The following ELF4 variants were observed in gnomAD, a reference collection of about 807,000 sequenced individuals.
ELF4 encodes the protein E74 like ETS transcription factor 4, also known as ETS-related transcription factor Elf-4.
A neutral mutation model predicts 31.7 loss-of-function variants in ELF4; 10 were observed. The observed-to-expected ratio is 0.32, with a 90% CI of 0.19 to 0.54. ELF4 has a LOEUF of 0.54. Ranked by LOEUF, ELF4 falls within the 20% of genes least tolerant of loss-of-function variation. The probability of loss-of-function intolerance (pLI) is 0.95; values close to 1 mark genes in which losing one functional copy is unlikely to be tolerated. For synonymous variants in ELF4, 208 were observed against 226.7 expected (o/e 0.92, Z 0.74); for missense variants, 418 against 522.0 (o/e 0.80, Z 1.94).
chrX:130,101,704 C>A (rs1454878048), intron 1 of ELF4, among the ~76,000 whole-genome samples: 3 of 110,435 alleles, frequency 2.7e-5, no homozygotes, highest in African/African-American at 6.6e-5. Context: ...GAGGCTGAGG[C>A]AGGAGAATCG....
intron 1 of ELF4, among the ~76,000 whole-genome samples, chrX:130,107,072 TC>T (rs1196716274): frequency 9.0e-6 from 1 of 111,455 alleles, no homozygotes; most frequent in Non-Finnish European, 1.9e-5. Context: ...GGTCAATAGT[TC>T]AAGACCAGCC....
At chrX:130,089,352 T>C (rs1338711448) in intron 1 of ELF4, among the ~76,000 whole-genome samples, 4 of 100,817 alleles carry the variant, frequency 4.0e-5, no homozygotes, top group Non-Finnish European at 8.1e-5. Flanking sequence ...AAAAAAAAAA[T>C]ACAAAAATTA....
chrX:130,068,071 C>A (rs893016779), intron 8 of ELF4, among the ~76,000 whole-genome samples: 4 of 111,996 alleles, frequency 3.6e-5, no homozygotes, highest in African/African-American at 1.3e-4. Context: ...CTCGGCCTCC[C>A]AAAGTGCTGG....
chrX:130,069,834 G>A (rs764167274), intron 7 of ELF4, among the ~76,000 whole-genome samples, 157 bp from the exon 8 acceptor site: 19 of 112,676 alleles, frequency 1.7e-4, no homozygotes, highest in Non-Finnish European at 3.0e-4. Flanking sequence ...GCAAGGGAAA[G>A]GATATGTCAA....
At chrX:130,068,508 G>A (rs1056397184) in intron 8 of ELF4, among the ~76,000 whole-genome samples, 7 of 111,799 alleles carry the variant, frequency 6.3e-5, no homozygotes, top group South Asian at 3.7e-4. Context: ...GTCTCACTGC[G>A]CCAGCGTAGT....
chrX:130,100,674 C>A (rs996046733), intron 1 of ELF4, among the ~76,000 whole-genome samples: 3 of 111,792 alleles, frequency 2.7e-5, no homozygotes, highest in Admixed American at 1.9e-4. Context: ...CTTCTCTAAG[C>A]CCCCATGACC....
chrX:130,102,878 G>GAAAA (rs773090983), intron 1 of ELF4, among the ~76,000 whole-genome samples: 1 of 47,723 alleles, frequency 2.1e-5, no homozygotes, highest in African/African-American at 8.9e-5. Flanking sequence ...GAGAGAGAGA[G>GAAAA]AGAGAGAGAA....
chrX:130,072,441 GGGC>G lies in ELF4; in HGVS notation c.341-27_341-25del, dbSNP rs774526777. 3 of 1,207,997 alleles carry G rather than the reference GGGC, an allele frequency of 2.5e-6. No homozygotes were observed. The East Asian group carries it at 8.9e-5, about 36-fold the overall frequency. On this transcript the variant is annotated intron_variant, in intron 4 of 8. Coordinates refer to ENST00000308167, the MANE Select transcript of ELF4 (RefSeq NM_001421.4). ...GACTGCAAGAAGAAAGACCTGAGGT[GGGC>G]GGGGCCCAGGCAGGGCTGGAGCGGG... is the stretch of plus-strand genomic sequence containing the variant.
chrX:130,092,854 G>C lies in ELF4; in HGVS notation c.-209-11315C>G, dbSNP rs183411157. Among the ~76,000 whole-genome samples, 326 of 110,914 alleles carry C rather than the reference G, an allele frequency of 2.9e-3. 1 individual carries two copies. The highest frequency in any genetic ancestry group is 0.01 in the African/African-American group (308 of 30,457). ...AGGCGACAACGGAGGGCAAAGTACA[G>C]TTGTCCCCTGGCATACTTGGGGATT... On this transcript the variant is annotated intron_variant, in intron 1 of 8. Transcript: ENST00000308167.
At position 130,069,444 on chromosome X, in the gene ELF4, C is replaced by G. The variant is rs2062860168; in HGVS notation, c.1043G>C (p.Trp348Ser). The change falls in exon 8 of 9, where the codon TGG becomes TCG. Residue 348 changes from tryptophan (W) to serine (S), a missense_variant. Trp to Ser is a radical substitution (Grantham distance 177, BLOSUM62 -3). Transcript: ENST00000308167. ...SAPQGKGSSSWEKPKIQHVGL... is the reference protein window; with the variant it reads ...SAPQGKGSSSSEKPKIQHVGL... ...GACATGCTGAATTTTTGGCTTCTCC[C>G]AAGAAGAGCTGCCCTTGCCCTGGGG... is the stretch of plus-strand genomic sequence containing the variant. The G allele has an allele frequency of 1.7e-6, 2 of 1,210,888 alleles. No homozygotes were observed. The highest frequency in any genetic ancestry group is 3.5e-5 in the African/African-American group (2 of 57,432).
chrX:130,110,297 G>C (rs1339527992), intron 1 of ELF4, 28 bp downstream of exon 1: 1 of 109,290 alleles, frequency 9.1e-6, no homozygotes, highest in Non-Finnish European at 1.9e-5. Context: ...GTCCCCCAAG[G>C]CTCGAAGAAC....
chrX:130,109,495 C>CTGGG (rs1933434932), intron 1 of ELF4, among the ~76,000 whole-genome samples: 2 of 112,745 alleles, frequency 1.8e-5, no homozygotes, highest in Admixed American at 1.9e-4. Context: ...AATCCCTCAG[C>CTGGG]TGGGGTATGG....
At chrX:130,086,907 G>A in intron 1 of ELF4, among the ~76,000 whole-genome samples, 1 of 111,774 alleles carries the variant, frequency 8.9e-6, no homozygotes, top group East Asian at 2.8e-4. Context: ...CTGGGCTGGG[G>A]ACCTGGCAGG....
intron 1 of ELF4, among the ~76,000 whole-genome samples, chrX:130,095,295 A>T (rs1933130418): frequency 8.9e-6 from 1 of 112,252 alleles, no homozygotes; most frequent in Non-Finnish European, 1.9e-5. Flanking sequence ...GTTTTCAGTG[A>T]AATCTGCTTT....
intron 2 of ELF4, among the ~76,000 whole-genome samples, chrX:130,080,903 C>T (rs1169711574): frequency 8.9e-6 from 1 of 112,397 alleles, no homozygotes; most frequent in Non-Finnish European, 1.9e-5. Flanking sequence ...GAGAAGTGGC[C>T]GAAAAATGCA....
intron 1 of ELF4, among the ~76,000 whole-genome samples, chrX:130,089,370 G>A (rs1032954040): frequency 9.4e-5 from 10 of 106,815 alleles, no homozygotes; most frequent in African/African-American, 2.4e-4. Context: ...TTAGCCAGAC[G>A]TGGTGGCACA....
chrX:130,075,230 A>C (rs5977202), intron 2 of ELF4, among the ~76,000 whole-genome samples: 10,015 of 108,151 alleles, frequency 0.093, 1,100 homozygotes, highest in African/African-American at 0.31. Context: ...CAGCCTCCCA[A>C]AGTGCTGGGA....
chrX:130,069,593 C>T lies in ELF4; in HGVS notation c.894G>A (p.Val298=), dbSNP rs759150666. ...YQFKEMPKDL[V]VIEDEDESSE... is the part of the protein sequence containing the mutation. ...TGCTCTCATCCTCATCTTCAATGAC[C>T]ACCAGGTCCTTGGGCATCTCCTTAA... The change falls in exon 8 of 9, where the codon GTG becomes GTA. Residue 298 remains valine, a synonymous_variant. Coordinates refer to ENST00000308167, the MANE Select transcript of ELF4 (RefSeq NM_001421.4). 1 of 1,211,265 alleles carries T rather than the reference C, an allele frequency of 8.3e-7. No homozygotes were observed.
chrX:130,069,285 C>T lies in ELF4; in HGVS notation c.1187+15G>A. ...TGTACTATGTGAAGACTCATGCTGA[C>T]CTGGGTGCCCTTACCTCACAGCTTT... On this transcript the variant is annotated intron_variant, in intron 8 of 8. Transcript: ENST00000308167. 8.3e-7 allele frequency: 1 copy of T among 1,211,091 alleles called. No individual in the cohort carries two copies. Among genetic ancestry groups the T allele is most frequent in the Non-Finnish European group, 1.1e-6 (1 of 895,228 alleles).
Sources: gnomAD v4.1 joint callset for allele counts (sites outside exome capture counted in the v4.1 genomes callset) on GRCh38, gnomAD v4.1.1 for gene constraint, MANE v1.5 for transcripts, NCBI Gene and HGNC (gene_info 2026-07-23, HGNC 2026-07-21) for gene names.